Variants in TFEC observed in about 807,000 individuals in gnomAD.
TFEC encodes transcription factor EC, also known as class E basic helix-loop-helix protein 34.
In TFEC, 31 loss-of-function variants were observed where a neutral mutation model predicts 41.6. The ratio of observed to expected loss-of-function variants is 0.74; its 90% confidence interval spans 0.56 to 1.01. The LOEUF is 1.01. Ranked by LOEUF, TFEC falls within the 50% of genes least tolerant of loss-of-function variation. TFEC has a pLI of 0.00. For missense variants in TFEC, 402 were observed against 404.1 expected (o/e 0.99, Z 0.04); for synonymous variants, 143 against 140.6 (o/e 1.02, Z -0.12).
At chr7:116,121,123 A>G (rs1282867302) in intron 1 of TFEC, among the ~76,000 whole-genome samples, 1 of 152,030 alleles carries the variant, frequency 6.6e-6, no homozygotes, top group Non-Finnish European at 1.5e-5. Flanking sequence ...CATTCATAAG[A>G]GCCAAAAAAG....
At chr7:116,061,467 T>C (rs1251759004) in intron 3 of TFEC, among the ~76,000 whole-genome samples, 2 of 152,132 alleles carry the variant, frequency 1.3e-5, no homozygotes, top group Non-Finnish European at 2.9e-5. Flanking sequence ...AAATGGATCA[T>C]AGACTTAAAT....
chr7:115,966,405 T>C (rs975425299), intron 3 of TFEC, among the ~76,000 whole-genome samples: 2 of 151,698 alleles, frequency 1.3e-5, no homozygotes, highest in African/African-American at 2.4e-5. Context: ...GATCCTAACA[T>C]ACGTGCTATG....
At chr7:116,018,588 G>C (rs1795280330) in intron 1 of TFEC, among the ~76,000 whole-genome samples, 1 of 152,150 alleles carries the variant, frequency 6.6e-6, no homozygotes, top group African/African-American at 2.4e-5. Context: ...TGTGAAAGAG[G>C]AGAAAAAATA....
chr7:116,033,374 T>C (rs576193628), upstream of TFEC, among the ~76,000 whole-genome samples: 207 of 152,246 alleles, frequency 1.4e-3, 2 homozygotes, highest in Non-Finnish European at 2.2e-3. Flanking sequence ...TCTCCTCAAC[T>C]GTAAAACAGA....
At position 115,984,383 on chromosome 7, in the gene TFEC, G is replaced by A; in HGVS notation, c.59C>T (p.Pro20Leu). 1 of 1,614,122 alleles carries A rather than the reference G, an allele frequency of 6.2e-7. No individual in the cohort carries two copies. Among genetic ancestry groups the A allele is most frequent in the Non-Finnish European group, 8.5e-7 (1 of 1,180,000 alleles). ...ATGCTGCACAAGAGGCCCACCACTT[G>A]GCACTGCAGGTTGTGACCATTTAAG... Reference protein sequence around the residue: ...PTLKWSQPAVPSGGPLVQHAH... With the variant: ...PTLKWSQPAVLSGGPLVQHAH... The change falls in exon 2 of 8, where the codon CCA becomes CTA. Residue 20 changes from proline to leucine, a missense_variant. Physicochemically the swap from Pro to Leu is moderately conservative, Grantham distance 98. Transcript: ENST00000265440.
intron 3 of TFEC, among the ~76,000 whole-genome samples, chr7:116,045,679 C>T (rs371344825): frequency 3.2e-4 from 48 of 152,366 alleles, no homozygotes; most frequent in African/African-American, 1.1e-3. Context: ...TTTGAGCCCC[C>T]ACACAGAGTC....
In TFEC at chr7:115,942,027, T is replaced by A; in HGVS notation, c.529A>T (p.Asn177Tyr). ...PKSNDPDMRW[N>Y]KGTILKASVE... is the part of the protein sequence containing the mutation. Reference sequence around the variant, plus strand: ...GATGCTTTTAGAATGGTTCCTTTGTTCCAGCGCATATCACTGTAGAATGGA... The same window carrying A: ...GATGCTTTTAGAATGGTTCCTTTGTACCAGCGCATATCACTGTAGAATGGA... The change falls in exon 7 of 8, where the codon AAC becomes TAC. Residue 177 changes from asparagine (N) to tyrosine (Y), a missense_variant. Transcript: ENST00000265440. The A allele has an allele frequency of 6.2e-7, 1 of 1,612,606 alleles. No individual in the cohort carries two copies. Among genetic ancestry groups the A allele is most frequent in the Non-Finnish European group, 8.5e-7 (1 of 1,179,046 alleles).
chr7:116,079,536 G>A (rs1423736926), intron 3 of TFEC, among the ~76,000 whole-genome samples: 1 of 151,908 alleles, frequency 6.6e-6, no homozygotes, highest in East Asian at 1.9e-4. Context: ...TATACCAACA[G>A]TGACCAAGCT....
chr7:115,960,887 G>T (rs919204414), intron 3 of TFEC, among the ~76,000 whole-genome samples: 3 of 151,490 alleles, frequency 2.0e-5, no homozygotes, highest in Non-Finnish European at 4.4e-5. Flanking sequence ...ATTAATATCA[G>T]AAAAAGGGCT....
At chr7:116,123,757 T>C (rs1173966403) in intron 1 of TFEC, among the ~76,000 whole-genome samples, 1 of 152,156 alleles carries the variant, frequency 6.6e-6, no homozygotes, top group East Asian at 1.9e-4. Flanking sequence ...CTACTACTCC[T>C]ATCATGTTCA....
At chr7:116,079,085 A>G (rs1283777492) in intron 3 of TFEC, among the ~76,000 whole-genome samples, 2 of 152,124 alleles carry the variant, frequency 1.3e-5, no homozygotes, top group African/African-American at 2.4e-5. Context: ...AAATCACATG[A>G]TCATCTCCAT....
At chr7:115,961,742 G>A (rs1487817790) in intron 3 of TFEC, among the ~76,000 whole-genome samples, 1 of 151,672 alleles carries the variant, frequency 6.6e-6, no homozygotes, top group East Asian at 1.9e-4. Context: ...TCTCCACTAA[G>A]CTTAGGAGCA....
rs1474968111 is a variant in TFEC at position 115,948,490 on chromosome 7, C to T, written c.515+2384G>A. The stretch of plus-strand genomic sequence containing the variant: ...CTGAATCCAGCAGCACATCAAAAAG[C>T]GTATCCACCATGATCAAGTGGGCTT... On this transcript the variant is annotated intron_variant, in intron 6 of 7. Transcript: ENST00000265440. Among the ~76,000 whole-genome samples, 7 of 152,098 alleles carry T rather than the reference C, an allele frequency of 4.6e-5. No individual in the cohort carries two copies. The South Asian group carries it at 8.3e-4, about 18-fold the overall frequency.
chr7:116,119,039 AT>A (rs1441273204), intron 1 of TFEC, among the ~76,000 whole-genome samples: 1 of 151,934 alleles, frequency 6.6e-6, no homozygotes, highest in Admixed American at 6.6e-5. Context: ...TCTTTACCTG[AT>A]TTTATTTCCT....
At chr7:116,069,166 C>A (rs1345206591) in intron 3 of TFEC, among the ~76,000 whole-genome samples, 2 of 151,342 alleles carry the variant, frequency 1.3e-5, no homozygotes, top group Admixed American at 6.6e-5. Context: ...TGTGCTGATT[C>A]TTTGCAGGAG....
chr7:116,085,740 T>G (rs1055856265), intron 3 of TFEC, among the ~76,000 whole-genome samples: 1 of 151,960 alleles, frequency 6.6e-6, no homozygotes, highest in Admixed American at 6.6e-5. Context: ...GAGCAATCAG[T>G]CAGCTAAAGT....
At chr7:116,034,687 T>TACACACACAC (rs58308740), upstream of TFEC, among the ~76,000 whole-genome samples, 17 of 148,368 alleles carry the variant, frequency 1.1e-4, no homozygotes, top group East Asian at 8.0e-4. Flanking sequence ...CAGGCATGCA[T>TACACACACAC]ACACACACAC....
intron 3 of TFEC, among the ~76,000 whole-genome samples, chr7:116,078,751 A>C (rs1486368766): frequency 6.6e-6 from 1 of 152,134 alleles, no homozygotes; most frequent in East Asian, 1.9e-4. Context: ...ATTCTATCAG[A>C]CATTCAATGA....
At chr7:115,990,270 C>G (rs957941342) in intron 1 of TFEC, among the ~76,000 whole-genome samples, 1 of 152,104 alleles carries the variant, frequency 6.6e-6, no homozygotes, top group African/African-American at 2.4e-5. Context: ...CCACAAAGAT[C>G]GGGAGAAACC....
Sources: allele counts gnomAD v4.1 joint callset (sites outside exome capture counted in the v4.1 genomes callset), GRCh38; gene constraint gnomAD v4.1.1; transcripts MANE v1.5; gene names NCBI Gene and HGNC (gene_info 2026-07-23, HGNC 2026-07-21).